SPIDR: variants seen among roughly 807,000 people sequenced by gnomAD.
SPIDR encodes the protein DNA repair-scaffolding protein.
SPIDR carries 93 observed loss-of-function variants against 104.6 expected under a neutral mutation model. The observed-to-expected ratio is 0.89, with a 90% CI of 0.75 to 1.06. The LOEUF (loss-of-function observed/expected upper bound fraction) is 1.06, where lower values mean the gene tolerates loss of function less well. Ranked by LOEUF, SPIDR falls within the 50% of genes least tolerant of loss-of-function variation. The pLI, the probability that SPIDR is intolerant of heterozygous loss-of-function variation, is 0.00. For synonymous variants in SPIDR, 431 were observed against 416.9 expected, an observed-to-expected ratio of 1.03 and a Z score of -0.41; for missense variants, 1,154 against 1,111.2, an observed-to-expected ratio of 1.04 and a Z score of -0.55.
intron 2 of SPIDR, 56 bp downstream of exon 2, chr8:47,280,073 T>C: frequency 6.5e-7 from 1 of 1,550,250 alleles, no homozygotes; most frequent in South Asian, 1.2e-5. Flanking sequence ...TCCTGAGTGT[T>C]CAGAACATTG....
In SPIDR at chr8:47,579,214, A is replaced by AGGTGTCCAAAGTCACAAACAGAGGT. The variant is rs2059455774; in HGVS notation, c.1098-16590_1098-16566dup. Reference sequence around the variant, plus strand: ...ATATTTCATGCTGGTGTACTGATGCAGGTGTCCAAAGTCACAAACAGAGGT... The same window carrying AGGTGTCCAAAGTCACAAACAGAGGT: ...ATATTTCATGCTGGTGTACTGATGCAGGTGTCCAAAGTCACAAACAGAGGTGGTGTCCAAAGTCACAAACAGAGGT... On this transcript the variant is annotated intron_variant, in intron 8 of 19. Coordinates refer to ENST00000297423, the MANE Select transcript of SPIDR (RefSeq NM_001080394.4). Among the ~76,000 whole-genome samples the AGGTGTCCAAAGTCACAAACAGAGGT allele has an allele frequency of 3.9e-5, 6 of 152,214 alleles. No homozygotes were observed. The South Asian group carries it at 1.2e-3, about 32-fold the overall frequency.
intron 8 of SPIDR, among the ~76,000 whole-genome samples, chr8:47,462,718 TA>T (rs1554714373): frequency 6.6e-6 from 1 of 151,746 alleles, no homozygotes; most frequent in Non-Finnish European, 1.5e-5. Flanking sequence ...ATGGAAAAAA[TA>T]AAGATTAGAG....
chr8:47,489,932 A>G (rs1358367264), intron 8 of SPIDR, among the ~76,000 whole-genome samples: 3 of 152,192 alleles, frequency 2.0e-5, no homozygotes, highest in African/African-American at 7.2e-5. Flanking sequence ...CATTCAGGAC[A>G]TAGGCATGGG....
At chr8:47,727,677 A>C (rs951223564) in intron 17 of SPIDR, among the ~76,000 whole-genome samples, 2 of 152,234 alleles carry the variant, frequency 1.3e-5, no homozygotes, top group African/African-American at 4.8e-5. Flanking sequence ...GCTACTGGAC[A>C]GATGTCCCTG....
intron 7 of SPIDR, among the ~76,000 whole-genome samples, chr8:47,420,553 C>T (rs967845024): frequency 6.6e-6 from 1 of 152,136 alleles, no homozygotes; most frequent in Admixed American, 6.5e-5. Flanking sequence ...ACTGATGGGT[C>T]TTGACTCTTT....
chr8:47,634,067 C>A (rs1222758064), intron 10 of SPIDR, among the ~76,000 whole-genome samples: 20 of 151,644 alleles, frequency 1.3e-4, no homozygotes, highest in African/African-American at 4.6e-4. Flanking sequence ...TGCACCCCAG[C>A]CTGCGTGACA....
intron 1 of SPIDR, among the ~76,000 whole-genome samples, chr8:47,273,458 A>G (rs1228294629): frequency 3.9e-5 from 6 of 152,234 alleles, no homozygotes; most frequent in Non-Finnish European, 7.3e-5. Flanking sequence ...AGAGTAAGAC[A>G]TGAACAGGTT....
intron 8 of SPIDR, among the ~76,000 whole-genome samples, chr8:47,489,633 G>A (rs1334159869): frequency 6.6e-6 from 1 of 152,158 alleles, no homozygotes; most frequent in Admixed American, 6.5e-5. Flanking sequence ...AAAACAGCAT[G>A]GTACTGGTAC....
At chr8:47,423,587 G>T (rs1181251542) in intron 7 of SPIDR, among the ~76,000 whole-genome samples, 1 of 152,044 alleles carries the variant, frequency 6.6e-6, no homozygotes, top group African/African-American at 2.4e-5. Context: ...GGGCAACAGA[G>T]CAAGACCCTG....
At chr8:47,653,967 CT>C in intron 10 of SPIDR, 1 of 1,245,170 alleles carries the variant, frequency 8.0e-7, no homozygotes, top group African/African-American at 1.6e-5. Context: ...TTCAGTTTGA[CT>C]TTGAAAAATG....
intron 8 of SPIDR, among the ~76,000 whole-genome samples, chr8:47,519,614 C>T (rs1356930032): frequency 6.6e-6 from 1 of 152,078 alleles, no homozygotes; most frequent in Non-Finnish European, 1.5e-5. Context: ...GAGACCCTGT[C>T]TGTAGTAAAA....
chr8:47,661,119 T>C (rs2074044478), intron 10 of SPIDR: 1 of 209,556 alleles, frequency 4.8e-6, no homozygotes, highest in African/African-American at 2.4e-5. Flanking sequence ...GGCAGAAGCA[T>C]TGATCTTAAA....
chr8:47,491,628 C>T (rs2078727549), intron 8 of SPIDR, among the ~76,000 whole-genome samples: 2 of 152,102 alleles, frequency 1.3e-5, no homozygotes, highest in African/African-American at 2.4e-5. Flanking sequence ...GTGCTGAGGG[C>T]CAGGGGCAGC....
chr8:47,471,891 G>T (rs772577598), intron 8 of SPIDR, among the ~76,000 whole-genome samples: 1 of 152,134 alleles, frequency 6.6e-6, no homozygotes, highest in African/African-American at 2.4e-5. Context: ...TTAGGAATGG[G>T]TATATTGAAT....
chr8:47,731,513 G>C (rs532813705), intron 19 of SPIDR, among the ~76,000 whole-genome samples: 2 of 152,372 alleles, frequency 1.3e-5, no homozygotes, highest in South Asian at 4.1e-4. Context: ...CAGCAAGGTA[G>C]AGCCCATATT....
At chr8:47,628,045 T>C (rs1041146902) in intron 10 of SPIDR, among the ~76,000 whole-genome samples, 2 of 152,182 alleles carry the variant, frequency 1.3e-5, no homozygotes, top group African/African-American at 4.8e-5. Context: ...TGGGATGTGA[T>C]TTAGAATGGC....
intron 3 of SPIDR, among the ~76,000 whole-genome samples, chr8:47,289,985 G>A (rs2039602260): frequency 1.3e-5 from 2 of 152,130 alleles, no homozygotes; most frequent in East Asian, 3.8e-4. Context: ...AAATTATTCT[G>A]AGTGAAAAAA....
intron 8 of SPIDR, among the ~76,000 whole-genome samples, chr8:47,564,686 GAAA>G (rs79077645): frequency 2.4e-5 from 2 of 83,400 alleles, no homozygotes; most frequent in Non-Finnish European, 2.6e-5. Flanking sequence ...TCTCCAAAAA[GAAA>G]AAAAAAAAAA....
intron 8 of SPIDR, among the ~76,000 whole-genome samples, chr8:47,445,109 T>C (rs922956452): frequency 8.5e-5 from 13 of 152,176 alleles, no homozygotes; most frequent in African/African-American, 3.1e-4. Flanking sequence ...ATAGCCCACC[T>C]TATTTTACTA....
Sources: allele counts gnomAD v4.1 joint callset (sites outside exome capture counted in the v4.1 genomes callset), GRCh38; gene constraint gnomAD v4.1.1; transcripts MANE v1.5; gene names NCBI Gene and HGNC (gene_info 2026-07-23, HGNC 2026-07-21).